The following RARB variants were observed in gnomAD, a reference collection of about 807,000 sequenced individuals.
RARB encodes HBV-activated protein.
Under a neutral mutation model 51.9 loss-of-function variants are expected in RARB, and 17 were observed. The ratio of observed to expected loss-of-function variants is 0.33; its 90% CI spans 0.22 to 0.49. RARB has a LOEUF of 0.49. RARB is among the 20% of genes least tolerant of loss of function. The probability of loss-of-function intolerance (pLI) is 0.99; values close to 1 mark genes in which losing one functional copy is unlikely to be tolerated. For missense variants in RARB, 369 were observed against 550.8 expected, an observed-to-expected ratio of 0.67 and a Z score of 3.30; for synonymous variants, 215 against 195.4, an observed-to-expected ratio of 1.10 and a Z score of -0.84.
At chr3:25,561,893 G>A (rs961215446) in intron 3 of RARB, among the ~76,000 whole-genome samples, 2 of 152,140 alleles carry the variant, frequency 1.3e-5, no homozygotes, top group African/African-American at 4.8e-5. Flanking sequence ...ACAGTCTGTT[G>A]CTGGGAAATT....
intron 1 of RARB, among the ~76,000 whole-genome samples, chr3:24,849,167 CAGTA>C (rs1702523223): frequency 6.6e-6 from 1 of 151,560 alleles, no homozygotes; most frequent in Non-Finnish European, 1.5e-5. Context: ...AAATTAAACA[CAGTA>C]AGAGATTAAT....
chr3:25,502,081 A>G (rs1027096481), intron 3 of RARB, among the ~76,000 whole-genome samples: 2 of 152,304 alleles, frequency 1.3e-5, no homozygotes, highest in South Asian at 4.1e-4. Flanking sequence ...TCATGGGGCT[A>G]TGTGCCCAGT....
At chr3:25,517,816 AG>A (rs1235124407) in intron 3 of RARB, among the ~76,000 whole-genome samples, 1 of 152,216 alleles carries the variant, frequency 6.6e-6, no homozygotes, top group African/African-American at 2.4e-5. Flanking sequence ...ATCCATAAAA[AG>A]GAATGAAATA....
chr3:25,170,780 TTA>T (rs746574821), intron 4 of RARB, among the ~76,000 whole-genome samples: 7 of 152,022 alleles, frequency 4.6e-5, no homozygotes, highest in Non-Finnish European at 7.4e-5. Context: ...CAGAGAAAAA[TTA>T]TATACATATG....
intron 3 of RARB, among the ~76,000 whole-genome samples, chr3:25,090,369 C>G (rs974328838): frequency 2.6e-5 from 4 of 152,126 alleles, no homozygotes; most frequent in African/African-American, 9.7e-5. Context: ...ATTTCAAAAA[C>G]AATGTTAACT....
intron 5 of RARB, among the ~76,000 whole-genome samples, chr3:25,241,218 A>G (rs1019039489): frequency 1.3e-5 from 2 of 152,198 alleles, no homozygotes; most frequent in African/African-American, 4.8e-5. Flanking sequence ...ATATATTTGT[A>G]CAATTTCCAA....
intron 5 of RARB, among the ~76,000 whole-genome samples, chr3:25,228,807 C>G (rs1469851443): frequency 6.6e-6 from 1 of 152,122 alleles, no homozygotes; most frequent in African/African-American, 2.4e-5. Context: ...TAGTCTCTCA[C>G]CAGTGTACCT....
At chr3:25,573,241 C>T (rs553887973) in intron 4 of RARB, among the ~76,000 whole-genome samples, 4 of 152,266 alleles carry the variant, frequency 2.6e-5, no homozygotes, top group South Asian at 4.1e-4. Flanking sequence ...CATAAACTAT[C>T]GTGCATTCCA....
intron 1 of RARB, among the ~76,000 whole-genome samples, chr3:24,852,728 A>G (rs1702575499): frequency 6.6e-6 from 1 of 152,224 alleles, no homozygotes; most frequent in Non-Finnish European, 1.5e-5. Context: ...CCATCTTCCT[A>G]ACTGAAAGGA....
intron 5 of RARB, among the ~76,000 whole-genome samples, chr3:25,276,593 T>G (rs894900380): frequency 2.0e-5 from 3 of 152,228 alleles, no homozygotes; most frequent in Non-Finnish European, 4.4e-5. Context: ...AACTGTGACT[T>G]GTAAAAGTTT....
At chr3:25,096,211 G>C (rs1044986661) in intron 3 of RARB, among the ~76,000 whole-genome samples, 3 of 152,110 alleles carry the variant, frequency 2.0e-5, no homozygotes, top group African/African-American at 7.2e-5. Context: ...TAGCTACTTG[G>C]GTTAGGTTTT....
intron 3 of RARB, among the ~76,000 whole-genome samples, chr3:25,506,174 A>T (rs533547164): frequency 6.7e-6 from 1 of 148,908 alleles, no homozygotes; most frequent in East Asian, 2.0e-4. Flanking sequence ...AATCGCTTGA[A>T]CTTGGGAGGC....
chr3:24,978,400 G>T (rs539208702), intron 2 of RARB, among the ~76,000 whole-genome samples: 1 of 152,052 alleles, frequency 6.6e-6, no homozygotes, highest in South Asian at 2.1e-4. Flanking sequence ...TTTTTTGGTT[G>T]GTAGGCTATT....
At chr3:25,315,762 C>A (rs1379863693) in intron 5 of RARB, among the ~76,000 whole-genome samples, 1 of 150,646 alleles carries the variant, frequency 6.6e-6, no homozygotes, top group African/African-American at 2.5e-5. Context: ...TACAGGCATG[C>A]ACCACCACAC....
chr3:25,452,347 C>T (rs1312944791), intron 1 of RARB, among the ~76,000 whole-genome samples: 1 of 152,104 alleles, frequency 6.6e-6, no homozygotes, highest in Non-Finnish European at 1.5e-5. Context: ...AATATGACAG[C>T]ACTTCCCGTG....
chr3:25,439,496 G>C (rs940172324), intron 1 of RARB, among the ~76,000 whole-genome samples: 1 of 151,984 alleles, frequency 6.6e-6, no homozygotes, highest in Non-Finnish European at 1.5e-5. Flanking sequence ...GCCTCAACCT[G>C]CTGGGCTGAA....
At chr3:24,879,931 TG>T (rs1225271700) in intron 2 of RARB, among the ~76,000 whole-genome samples, 1 of 149,158 alleles carries the variant, frequency 6.7e-6, no homozygotes, top group African/African-American at 2.5e-5. Flanking sequence ...AATCCCATCT[TG>T]CAAAGTTCTT....
At chr3:25,010,154 G>A (rs964126251) in intron 2 of RARB, among the ~76,000 whole-genome samples, 3 of 151,142 alleles carry the variant, frequency 2.0e-5, no homozygotes, top group Non-Finnish European at 4.4e-5. Context: ...CCAGGACAGA[G>A]GAGCTAAAGA....
At chr3:25,343,419 G>A (rs982168877) in intron 5 of RARB, among the ~76,000 whole-genome samples, 1 of 151,282 alleles carries the variant, frequency 6.6e-6, no homozygotes, top group Non-Finnish European at 1.5e-5. Context: ...ATTGAAGTCT[G>A]GAGGAGATTA....
Sources: gnomAD v4.1 joint callset for allele counts (sites outside exome capture counted in the v4.1 genomes callset) on GRCh38, gnomAD v4.1.1 for gene constraint, MANE v1.5 for transcripts, NCBI Gene and HGNC (gene_info 2026-07-23, HGNC 2026-07-21) for gene names.